MANBAL: variants seen among roughly 807,000 people sequenced by gnomAD.
The protein encoded by MANBAL is protein MANBAL.
MANBAL carries 1 observed loss-of-function variant against 6.4 expected under a neutral mutation model. The observed-to-expected ratio is 0.16, with a 90% CI of 0.06 to 0.74. MANBAL has a LOEUF of 0.74. MANBAL is among the 30% of genes least tolerant of loss of function. The pLI, the probability that MANBAL is intolerant of heterozygous loss-of-function variation, is 0.78. For synonymous variants in MANBAL, 47 were observed against 45.8 expected (o/e 1.03, Z -0.10); for missense variants, 100 against 107.8 (o/e 0.93, Z 0.32).
intron 2 of MANBAL, among the ~76,000 whole-genome samples, chr20:37,308,577 G>C (rs2069311814): frequency 6.6e-6 from 1 of 152,140 alleles, no homozygotes; most frequent in Admixed American, 6.5e-5. Context: ...CCCTCAAATT[G>C]TGTACAAGAA....
chr20:37,290,674 G>A (rs2068845960), intron 1 of MANBAL, among the ~76,000 whole-genome samples: 1 of 152,026 alleles, frequency 6.6e-6, no homozygotes, highest in African/African-American at 2.4e-5. Flanking sequence ...GGCCAGGCTG[G>A]TCTCAAACTC....
At chr20:37,305,841 C>T (rs1212158357) in intron 2 of MANBAL, among the ~76,000 whole-genome samples, 1 of 152,086 alleles carries the variant, frequency 6.6e-6, no homozygotes, top group Non-Finnish European at 1.5e-5. Flanking sequence ...GCCTTTCTCA[C>T]TTCCGAAACT....
intron 1 of MANBAL, among the ~76,000 whole-genome samples, chr20:37,291,469 C>T (rs1424890981): frequency 2.6e-5 from 4 of 152,278 alleles, no homozygotes; most frequent in Non-Finnish European, 5.9e-5. Flanking sequence ...TCAGACTTCC[C>T]TTGTTTTAGA....
chr20:37,300,217 C>T (rs1017033078), intron 1 of MANBAL, among the ~76,000 whole-genome samples: 1 of 152,178 alleles, frequency 6.6e-6, no homozygotes, highest in Non-Finnish European at 1.5e-5. Context: ...GATCATACCT[C>T]CTTCCACCCT....
At chr20:37,294,525 C>T (rs1322835139) in intron 1 of MANBAL, among the ~76,000 whole-genome samples, 26 of 152,242 alleles carry the variant, frequency 1.7e-4, no homozygotes, top group Non-Finnish European at 1.2e-4. Context: ...TCATAATGGC[C>T]TGCAGCTTGC....
At chr20:37,297,679 G>A (rs2069029383) in intron 1 of MANBAL, 1 of 153,058 alleles carries the variant, frequency 6.5e-6, no homozygotes, top group African/African-American at 2.5e-5. Context: ...TTTCACTCTT[G>A]TTGCCCAGGC....
At chr20:37,296,805 CATT>C (rs1439855406) in intron 1 of MANBAL, 2 of 152,090 alleles carry the variant, frequency 1.3e-5, no homozygotes, top group Non-Finnish European at 2.9e-5. Flanking sequence ...TTATAGGTAT[CATT>C]GTTGCTTGGC....
intron 1 of MANBAL, among the ~76,000 whole-genome samples, chr20:37,299,968 C>A (rs1014574650): frequency 6.6e-6 from 1 of 152,144 alleles, no homozygotes; most frequent in African/African-American, 2.4e-5. Flanking sequence ...TGAGGCTGGA[C>A]CTTGCACCAC....
chr20:37,307,857 G>A (rs1335865310), intron 2 of MANBAL, among the ~76,000 whole-genome samples: 1 of 152,146 alleles, frequency 6.6e-6, no homozygotes, highest in African/African-American at 2.4e-5. Flanking sequence ...CAGGAAAGAC[G>A]TGAACTTGGA....
At chr20:37,308,452 C>T (rs951869591) in intron 2 of MANBAL, among the ~76,000 whole-genome samples, 4 of 152,148 alleles carry the variant, frequency 2.6e-5, no homozygotes, top group Non-Finnish European at 1.5e-5. Context: ...CTGACACCAC[C>T]ACTGTGTTCC....
Position 37,301,414 on chromosome 20 carries a change from G to T in MANBAL, c.150+1G>T, listed in dbSNP as rs1346708802. Reference sequence around the variant, plus strand: ...ACCCATTCCCAAGTCCCACGAGGCGGTGAGTTTTTCCCTGGGAGCCTCAGC... The same window carrying T: ...ACCCATTCCCAAGTCCCACGAGGCGTTGAGTTTTTCCCTGGGAGCCTCAGC... On this transcript the variant is annotated splice_donor_variant, in intron 2 of 2. Coordinates refer to ENST00000373606, the MANE Select transcript of MANBAL (RefSeq NM_001003897.2). LOFTEE classifies it high-confidence loss of function. The T allele has an allele frequency of 6.2e-6, 10 of 1,609,926 alleles. No individual in the cohort carries two copies. Among genetic ancestry groups the T allele is most frequent in the East Asian group, 4.5e-5 (2 of 44,682 alleles).
chr20:37,294,996 C>T (rs1188418254), intron 1 of MANBAL, among the ~76,000 whole-genome samples: 1 of 152,228 alleles, frequency 6.6e-6, no homozygotes, highest in Non-Finnish European at 1.5e-5. Context: ...TTGTTAAATT[C>T]TGATGGGGTA....
intron 1 of MANBAL, among the ~76,000 whole-genome samples, chr20:37,300,874 G>T (rs1351490152): frequency 1.3e-5 from 2 of 152,110 alleles, no homozygotes; most frequent in Non-Finnish European, 2.9e-5. Context: ...TGGGTGAGGT[G>T]GCTCACACCT....
intron 1 of MANBAL, among the ~76,000 whole-genome samples, chr20:37,293,297 C>G (rs1437839962): frequency 6.6e-6 from 1 of 152,208 alleles, no homozygotes; most frequent in African/African-American, 2.4e-5. Flanking sequence ...TTTCCTACAA[C>G]TAGACAGTCC....
intron 1 of MANBAL, among the ~76,000 whole-genome samples, chr20:37,293,664 G>A (rs1255581824): frequency 2.0e-5 from 3 of 152,034 alleles, no homozygotes; most frequent in Non-Finnish European, 4.4e-5. Flanking sequence ...TGACAAACCC[G>A]ACTCCCACCA....
intron 1 of MANBAL, among the ~76,000 whole-genome samples, chr20:37,300,750 C>G (rs2069114968): frequency 6.6e-6 from 1 of 152,154 alleles, no homozygotes; most frequent in South Asian, 2.1e-4. Flanking sequence ...AAGAATGGTT[C>G]ATTGACTGAC....
intron 2 of MANBAL, among the ~76,000 whole-genome samples, chr20:37,310,050 C>T (rs978565150): frequency 1.3e-5 from 2 of 152,144 alleles, no homozygotes; most frequent in Non-Finnish European, 2.9e-5. Flanking sequence ...TTGGGAGAGA[C>T]GGCTGGACAC....
At chr20:37,300,004 C>T (rs537103971) in intron 1 of MANBAL, among the ~76,000 whole-genome samples, 23 of 152,188 alleles carry the variant, frequency 1.5e-4, no homozygotes, top group Non-Finnish European at 3.2e-4. Context: ...CTGTCATTCA[C>T]GCCATCAGCA....
At chr20:37,302,409 G>T (rs1020903971) in intron 2 of MANBAL, 4 of 1,503,674 alleles carry the variant, frequency 2.7e-6, no homozygotes, top group Admixed American at 2.0e-5. Flanking sequence ...CACATTTAGA[G>T]ATTCTTGGAT....
Sources: allele counts gnomAD v4.1 joint callset (sites outside exome capture counted in the v4.1 genomes callset), GRCh38; gene constraint gnomAD v4.1.1; transcripts MANE v1.5; gene names NCBI Gene and HGNC (gene_info 2026-07-23, HGNC 2026-07-21).